AGMO: variants seen among roughly 807,000 people sequenced by gnomAD.
AGMO encodes the protein glyceryl-ether monooxygenase.
In AGMO, 75 loss-of-function variants were observed where a neutral mutation model predicts 60.2. The ratio of observed to expected loss-of-function variants is 1.25; its 90% CI spans 1.03 to 1.51. The LOEUF (loss-of-function observed/expected upper bound fraction) is 1.51. Among genes scored for constraint, AGMO ranks in the 40% most tolerant of loss-of-function variants. The probability of loss-of-function intolerance (pLI) is 0.00; values close to 1 mark genes in which losing one functional copy is unlikely to be tolerated. For synonymous variants in AGMO, 261 were observed against 177.1 expected (o/e 1.47, Z -3.76); for missense variants, 763 against 525.5 (o/e 1.45, Z -4.42).
At chr7:15,223,521 C>A (rs926551283) in intron 12 of AGMO, among the ~76,000 whole-genome samples, 4 of 151,840 alleles carry the variant, frequency 2.6e-5, no homozygotes, top group South Asian at 2.1e-4. Context: ...ATGTAAAGAA[C>A]AGACACATTT....
intron 12 of AGMO, among the ~76,000 whole-genome samples, chr7:15,275,958 G>C (rs887828282): frequency 1.3e-5 from 2 of 151,998 alleles, no homozygotes; most frequent in Admixed American, 6.6e-5. Flanking sequence ...TGCAGCAAAC[G>C]GTTGGGTCTT....
chr7:15,379,420 AAGG>A (rs1783587273), intron 10 of AGMO, among the ~76,000 whole-genome samples: 1 of 152,106 alleles, frequency 6.6e-6, no homozygotes, highest in Non-Finnish European at 1.5e-5. Flanking sequence ...TATCAAAAAC[AAGG>A]AGGTTATTAT....
At chr7:15,129,524 T>A in the AGMO span, among the ~76,000 whole-genome samples, 1 of 152,096 alleles carries the variant, frequency 6.6e-6, no homozygotes, top group African/African-American at 2.4e-5. Flanking sequence ...TGACTTATAA[T>A]CACAGAAAAA....
At chr7:15,278,581 C>T (rs1016054506) in intron 12 of AGMO, among the ~76,000 whole-genome samples, 13 of 152,080 alleles carry the variant, frequency 8.5e-5, no homozygotes, top group Non-Finnish European at 1.0e-4. Context: ...GGAGCTCTAG[C>T]GCGTTTCACT....
chr7:15,477,230 T>G (rs1012065731), intron 3 of AGMO, among the ~76,000 whole-genome samples: 39 of 152,058 alleles, frequency 2.6e-4, no homozygotes, highest in African/African-American at 9.4e-4. Flanking sequence ...AAATAAATAT[T>G]GAAGAACAAA....
At chr7:15,465,048 G>A (rs1046587379) in intron 3 of AGMO, among the ~76,000 whole-genome samples, 1 of 152,122 alleles carries the variant, frequency 6.6e-6, no homozygotes, top group Non-Finnish European at 1.5e-5. Context: ...AGCTTAGGAA[G>A]CACTATCTTT....
the AGMO span, among the ~76,000 whole-genome samples, chr7:15,125,135 A>T: frequency 6.6e-6 from 1 of 152,162 alleles, no homozygotes; most frequent in African/African-American, 2.4e-5. Flanking sequence ...AGATACCTGT[A>T]TGTGCAAGCT....
chr7:15,203,898 C>T (rs568484345), intron 12 of AGMO, among the ~76,000 whole-genome samples: 1 of 151,998 alleles, frequency 6.6e-6, no homozygotes, highest in Non-Finnish European at 1.5e-5. Flanking sequence ...GTAGTCATCA[C>T]CTAGATTTTC....
chr7:15,419,635 A>C (rs112363618), intron 4 of AGMO, among the ~76,000 whole-genome samples: 1 of 151,886 alleles, frequency 6.6e-6, no homozygotes, highest in African/African-American at 2.4e-5. Flanking sequence ...TTGTTTTGAA[A>C]CTTGTCATAA....
chr7:15,275,805 T>C (rs1232870379), intron 12 of AGMO, among the ~76,000 whole-genome samples: 1 of 152,224 alleles, frequency 6.6e-6, no homozygotes. Context: ...TGTCTTTTTT[T>C]TTAACCATTG....
At chr7:15,337,715 G>A (rs538389814) in intron 12 of AGMO, among the ~76,000 whole-genome samples, 1 of 152,122 alleles carries the variant, frequency 6.6e-6, no homozygotes, top group Admixed American at 6.6e-5. Flanking sequence ...TCAGTCAAGG[G>A]GCAAAAATCT....
At chr7:15,272,290 C>T (rs1447520453) in intron 12 of AGMO, among the ~76,000 whole-genome samples, 4 of 122,826 alleles carry the variant, frequency 3.3e-5, no homozygotes, top group Non-Finnish European at 5.0e-5. Context: ...TCCCCCCACC[C>T]CACGACAGTC....
chr7:15,406,029 T>TAAA (rs1784675618), intron 5 of AGMO, among the ~76,000 whole-genome samples: 1 of 151,862 alleles, frequency 6.6e-6, no homozygotes, highest in African/African-American at 2.4e-5. Context: ...CAGACATTTT[T>TAAA]TAATAAAGAT....
At chr7:15,384,383 G>A (rs185419291) in intron 10 of AGMO, among the ~76,000 whole-genome samples, 2 of 152,090 alleles carry the variant, frequency 1.3e-5, no homozygotes, top group Non-Finnish European at 2.9e-5. Context: ...TATATGTTCA[G>A]TTGCCTCACT....
At chr7:15,527,033 C>G (rs990800499) in intron 3 of AGMO, among the ~76,000 whole-genome samples, 1 of 152,058 alleles carries the variant, frequency 6.6e-6, no homozygotes, top group African/African-American at 2.4e-5. Flanking sequence ...CTCATTGTGC[C>G]TCCCTGTTCC....
chr7:15,554,786 A>C (rs139597186), intron 2 of AGMO, among the ~76,000 whole-genome samples: 81 of 152,200 alleles, frequency 5.3e-4, no homozygotes, highest in Middle Eastern at 3.4e-3. Context: ...AATAAATGTT[A>C]TTTGGGGATT....
intron 2 of AGMO, among the ~76,000 whole-genome samples, chr7:15,547,938 A>G (rs1358652056): frequency 6.6e-6 from 1 of 152,134 alleles, no homozygotes; most frequent in Non-Finnish European, 1.5e-5. Flanking sequence ...TGAAGAGAGC[A>G]GTGGTTCTCC....
At chr7:15,217,739 G>A in intron 12 of AGMO, among the ~76,000 whole-genome samples, 1 of 141,060 alleles carries the variant, frequency 7.1e-6, no homozygotes, top group African/African-American at 2.8e-5. Context: ...AAAATACAGT[G>A]TGTCTAACTG....
At chr7:15,442,518 G>C (rs1355045743) in intron 3 of AGMO, among the ~76,000 whole-genome samples, 1 of 152,050 alleles carries the variant, frequency 6.6e-6, no homozygotes, top group Non-Finnish European at 1.5e-5. Flanking sequence ...CCCCAACCTT[G>C]ACCCTTGAAT....
Sources: allele counts gnomAD v4.1 joint callset (sites outside exome capture counted in the v4.1 genomes callset), GRCh38; gene constraint gnomAD v4.1.1; transcripts MANE v1.5; gene names NCBI Gene and HGNC (gene_info 2026-07-23, HGNC 2026-07-21).